OR51B5: variants seen among roughly 807,000 people sequenced by gnomAD.
OR51B5 encodes olfactory receptor 51B5.
For synonymous variants in OR51B5, 186 were observed against 144.8 expected (o/e 1.28, Z -2.04); for missense variants, 456 against 374.6 (o/e 1.22, Z -1.79).
chr11:5,464,883 A>G (rs545440158), intron 1 of OR51B5, among the ~76,000 whole-genome samples: 76 of 152,294 alleles, frequency 5.0e-4, no homozygotes, highest in African/African-American at 1.8e-3. Flanking sequence ...CAATGGTTGA[A>G]CTAGTTTACA....
intron 1 of OR51B5, among the ~76,000 whole-genome samples, chr11:5,500,002 CTGA>C (rs1441048982): frequency 6.6e-6 from 1 of 152,216 alleles, no homozygotes; most frequent in African/African-American, 2.4e-5. Flanking sequence ...CTCTAGAGTG[CTGA>C]TGTGATCCCT....
intron 1 of OR51B5, among the ~76,000 whole-genome samples, chr11:5,416,214 C>A (rs1388610067): frequency 2.2e-5 from 3 of 139,436 alleles, no homozygotes; most frequent in Non-Finnish European, 3.1e-5. Context: ...AGGCCTTTGA[C>A]AAAATTCAAC....
At chr11:5,415,547 A>C (rs1850229287) in intron 1 of OR51B5, among the ~76,000 whole-genome samples, 1 of 152,200 alleles carries the variant, frequency 6.6e-6, no homozygotes. Flanking sequence ...ATAAAGAAAA[A>C]AAGAGAGAAG....
At position 5,447,596 on chromosome 11, in the gene OR51B5, A is replaced by G. The variant is rs113041106; in HGVS notation, n.84+57973T>C. 3.5e-3 allele frequency among the ~76,000 whole-genome samples: 528 copies of G among 152,148 alleles called. 16 individuals carry two copies. Among genetic ancestry groups the G allele is most frequent in the Non-Finnish European group, 1.0e-3 (71 of 68,004 alleles). ...GTTATCACCGCTCAGTCTCAATCCCATATCTTCTATACCATTTTTTGTGAT... is the reference window on the plus strand; with the variant it reads ...GTTATCACCGCTCAGTCTCAATCCCGTATCTTCTATACCATTTTTTGTGAT... On this transcript the variant is annotated intron_variant and non_coding_transcript_variant, in intron 1 of 4. Coordinates refer to the OR51B5 transcript ENST00000415970.
chr11:5,352,856 T>C (rs542885378), intron 1 of OR51B5, among the ~76,000 whole-genome samples: 23 of 128,236 alleles, frequency 1.8e-4, no homozygotes, highest in African/African-American at 6.6e-4. Context: ...TATATAATAG[T>C]GTGTGTATGT....
At chr11:5,505,473 G>A in intron 1 of OR51B5, 2 of 1,297,820 alleles carry the variant, frequency 1.5e-6, no homozygotes, top group Non-Finnish European at 1.0e-6. Flanking sequence ...GTGGAGTGAG[G>A]GGAAACTGAA....
chr11:5,491,042 A>G (rs1851573723), intron 1 of OR51B5, among the ~76,000 whole-genome samples: 1 of 152,264 alleles, frequency 6.6e-6, no homozygotes, highest in African/African-American at 2.4e-5. Context: ...CCTTGCACAT[A>G]ATTAATAAGC....
intron 1 of OR51B5, among the ~76,000 whole-genome samples, chr11:5,428,447 G>C (rs528161628): frequency 6.6e-6 from 1 of 152,294 alleles, no homozygotes; most frequent in Admixed American, 6.5e-5. Flanking sequence ...AGATGGCGCA[G>C]ATAGACTTGC....
At chr11:5,362,690 T>C (rs1849303462) in intron 1 of OR51B5, 1 of 217,674 alleles carries the variant, frequency 4.6e-6, no homozygotes, top group Non-Finnish European at 9.9e-6. Context: ...TGTAGAGCTT[T>C]TGGCCATCGA....
At chr11:5,453,762 A>G (rs1226254526) in intron 1 of OR51B5, 4 of 1,614,158 alleles carry the variant, frequency 2.5e-6, no homozygotes, top group East Asian at 4.5e-5. Context: ...TGCCCGCAAC[A>G]TCACTTTTGA....
chr11:5,457,020 C>A (rs957448442), intron 1 of OR51B5, among the ~76,000 whole-genome samples: 1 of 152,180 alleles, frequency 6.6e-6, no homozygotes, highest in African/African-American at 2.4e-5. Context: ...GAGCCTATGC[C>A]AGCATCATGC....
intron 1 of OR51B5, among the ~76,000 whole-genome samples, chr11:5,411,339 A>G (rs1253312171): frequency 6.6e-6 from 1 of 152,232 alleles, no homozygotes; most frequent in Admixed American, 6.5e-5. Flanking sequence ...GCCTAGGAGC[A>G]ATAGGCTACA....
chr11:5,455,568 A>AGAGAGAGAGAGAGAAAGAGAGAG (rs531763892), intron 1 of OR51B5: 1 of 135,318 alleles, frequency 7.4e-6, no homozygotes, highest in African/African-American at 2.8e-5. Flanking sequence ...AAGGGGGGAG[A>AGAGAGAGAGAGAGAAAGAGAGAG]GAGAGAGAGA....
intron 1 of OR51B5, among the ~76,000 whole-genome samples, chr11:5,378,741 G>A (rs1408517506): frequency 6.6e-6 from 1 of 152,056 alleles, no homozygotes; most frequent in Non-Finnish European, 1.5e-5. Context: ...TCAGAGAAAT[G>A]CAAATCAAAA....
intron 1 of OR51B5, among the ~76,000 whole-genome samples, chr11:5,461,373 C>T (rs1212860247): frequency 6.6e-6 from 1 of 152,212 alleles, no homozygotes; most frequent in African/African-American, 2.4e-5. Flanking sequence ...GCTATGGCAG[C>T]AGCCACTGGC....
intron 1 of OR51B5, among the ~76,000 whole-genome samples, chr11:5,398,873 A>C (rs1849923407): frequency 6.6e-6 from 1 of 152,172 alleles, no homozygotes; most frequent in African/African-American, 2.4e-5. Flanking sequence ...GAGTCAATTA[A>C]ACCTCCTTTG....
At chr11:5,416,602 C>CA (rs1175299097) in intron 1 of OR51B5, among the ~76,000 whole-genome samples, 1 of 150,372 alleles carries the variant, frequency 6.7e-6, no homozygotes, top group African/African-American at 2.4e-5. Context: ...AATCAATGTA[C>CA]AAAAATCACA....
intron 1 of OR51B5, chr11:5,431,173 A>G (rs775341393): frequency 2.7e-5 from 10 of 371,370 alleles, no homozygotes; most frequent in Non-Finnish European, 4.8e-5. Flanking sequence ...ACCCATGCAG[A>G]TAATACGGGG....
In OR51B5 at chr11:5,358,088, A is replaced by C. The variant is rs1334266141; in HGVS notation, n.85-11178T>G. Among the ~76,000 whole-genome samples, 13 of 151,868 alleles carry C rather than the reference A, an allele frequency of 8.6e-5. No homozygotes were observed. The East Asian group carries it at 2.5e-3, about 29-fold the overall frequency. On this transcript the variant is annotated intron_variant and non_coding_transcript_variant, in intron 1 of 4. Coordinates refer to the OR51B5 transcript ENST00000415970. ...AACATCACAATTAAAAGAACTAGAG[A>C]AGCAAGAGCAAACACATTCAAATGC...
Sources: gnomAD v4.1 joint callset for allele counts (sites outside exome capture counted in the v4.1 genomes callset) on GRCh38, gnomAD v4.1.1 for gene constraint, MANE v1.5 for transcripts, NCBI Gene and HGNC (gene_info 2026-07-23, HGNC 2026-07-21) for gene names.